The following ADGRV1 variants were observed in gnomAD, a reference collection of about 807,000 sequenced individuals.
ADGRV1 encodes the protein G-protein coupled receptor 98.
A neutral mutation model predicts 596.2 loss-of-function variants in ADGRV1; 359 were observed. That is an observed-to-expected ratio of 0.60 (90% CI 0.55 to 0.66). ADGRV1 has a LOEUF of 0.66. ADGRV1 is among the 30% of genes least tolerant of loss of function. The pLI, the probability that ADGRV1 is intolerant of heterozygous loss-of-function variation, is 0.00. For missense variants in ADGRV1, 7,274 were observed against 7,575.6 expected, an observed-to-expected ratio of 0.96 and a Z score of 1.48; for synonymous variants, 2,681 against 2,679.2, an observed-to-expected ratio of 1.00 and a Z score of -0.02.
In ADGRV1 at chr5:90,845,116, C is replaced by A. The variant is rs7734359; in HGVS notation, c.17020-3521C>A. Among the ~76,000 whole-genome samples, 992 of 152,240 alleles carry A rather than the reference C, an allele frequency of 6.5e-3. 15 individuals carry two copies. The highest frequency in any genetic ancestry group is 0.023 in the African/African-American group (957 of 41,556). ...GAGTCAGTCCAGGTGGTTGCTTTGG[C>A]ACAAGCAAGTGGGGAGTGTTGCCAG... On this transcript the variant is annotated intron_variant, in intron 78 of 89. Coordinates refer to ENST00000405460, the MANE Select transcript of ADGRV1 (RefSeq NM_032119.4).
intron 86 of ADGRV1, among the ~76,000 whole-genome samples, chr5:91,099,572 A>T (rs1225811992): frequency 6.6e-6 from 1 of 152,204 alleles, no homozygotes; most frequent in East Asian, 1.9e-4. Flanking sequence ...GAAGTTGGTT[A>T]CATGCAGGGG....
intron 50 of ADGRV1, among the ~76,000 whole-genome samples, chr5:90,735,687 T>G (rs559093208): frequency 6.6e-6 from 1 of 152,266 alleles, no homozygotes; most frequent in South Asian, 2.1e-4. Flanking sequence ...TTCTATTTCT[T>G]TCATCAGCGT....
At chr5:91,103,601 T>C (rs1582067832) in intron 87 of ADGRV1, among the ~76,000 whole-genome samples, 1 of 151,954 alleles carries the variant, frequency 6.6e-6, no homozygotes, top group Admixed American at 6.6e-5. Flanking sequence ...AGACACACAG[T>C]GTTATATGAA....
chr5:90,872,423 T>TTGTGTGTGTGTGTGTG (rs55743704), intron 83 of ADGRV1, among the ~76,000 whole-genome samples: 52 of 147,446 alleles, frequency 3.5e-4, no homozygotes, highest in Non-Finnish European at 6.4e-4. Flanking sequence ...TGGTATGAGC[T>TTGTGTGTGTGTGTGTG]TGTGTGTGTG....
chr5:90,648,817 A>G (rs1768178811), intron 17 of ADGRV1, among the ~76,000 whole-genome samples: 1 of 152,206 alleles, frequency 6.6e-6, no homozygotes, highest in African/African-American at 2.4e-5. Context: ...GAATAAACCC[A>G]CAAGGGCAAT....
chr5:90,838,469 C>T (rs921239315), intron 77 of ADGRV1, among the ~76,000 whole-genome samples: 4 of 152,116 alleles, frequency 2.6e-5, no homozygotes, highest in Non-Finnish European at 4.4e-5. Flanking sequence ...ATCATCTGTA[C>T]ACTGAGGACT....
intron 45 of ADGRV1, among the ~76,000 whole-genome samples, chr5:90,724,471 C>T (rs1751501023): frequency 6.6e-6 from 1 of 152,154 alleles, no homozygotes; most frequent in Non-Finnish European, 1.5e-5. Context: ...TCAAGTGATC[C>T]ACCTACCTCG....
intron 11 of ADGRV1, among the ~76,000 whole-genome samples, chr5:90,638,712 A>G (rs1319613784): frequency 3.9e-5 from 6 of 152,162 alleles, no homozygotes; most frequent in Non-Finnish European, 8.8e-5. Context: ...TGTGCAATTC[A>G]TATTTAGAAA....
chr5:91,153,274 T>C lies in ADGRV1; in HGVS notation c.18678T>C (p.Pro6226=). ...TCCAACAGGGCAGTCAGGCCAGCCCTGATTTAAAGCCAAGTCCACAAAATG... is the reference window on the plus strand; with the variant it reads ...TCCAACAGGGCAGTCAGGCCAGCCCCGATTTAAAGCCAAGTCCACAAAATG... The part of the protein sequence containing the change: ...ASFQQGSQAS[P]DLKPSPQNGA... Residue 6226 remains proline (P), a synonymous_variant, in exon 89 of 90, where the codon CCT becomes CCC. Coordinates refer to ENST00000405460, the MANE Select transcript of ADGRV1 (RefSeq NM_032119.4). 1 of 1,609,542 alleles carries C rather than the reference T, an allele frequency of 6.2e-7. No individual in the cohort carries two copies. The highest frequency in any genetic ancestry group is 8.5e-7 in the Non-Finnish European group (1 of 1,177,958).
chr5:90,953,275 T>A (rs1041646506), intron 83 of ADGRV1, among the ~76,000 whole-genome samples: 1 of 152,146 alleles, frequency 6.6e-6, no homozygotes. Context: ...ACCTTTGCTA[T>A]CACACAGGGA....
At chr5:90,892,955 C>T (rs941754646) in intron 83 of ADGRV1, among the ~76,000 whole-genome samples, 1 of 152,138 alleles carries the variant, frequency 6.6e-6, no homozygotes, top group African/African-American at 2.4e-5. Flanking sequence ...AGATGAGTTG[C>T]AAGCAGATTT....
chr5:90,752,443 C>T (rs1199108736), intron 53 of ADGRV1, among the ~76,000 whole-genome samples: 3 of 152,084 alleles, frequency 2.0e-5, no homozygotes, highest in African/African-American at 7.2e-5. Context: ...TGATCCTCTC[C>T]CTTCTTCCAC....
chr5:91,020,911 TAAAA>T (rs1343680327), intron 85 of ADGRV1, among the ~76,000 whole-genome samples: 1 of 152,092 alleles, frequency 6.6e-6, no homozygotes, highest in Non-Finnish European at 1.5e-5. Context: ...ACAATTCAAA[TAAAA>T]GAAGTATTTT....
At chr5:90,897,991 A>G (rs1049124178) in intron 83 of ADGRV1, among the ~76,000 whole-genome samples, 1 of 152,196 alleles carries the variant, frequency 6.6e-6, no homozygotes, top group African/African-American at 2.4e-5. Flanking sequence ...GCCTTTATCC[A>G]GTTCCCTCCA....
chr5:90,725,675 G>T lies in ADGRV1; in HGVS notation c.10161+19G>T, dbSNP rs1042217339. ...AACTCAGGTTTGATTCTTTTAAAAT[G>T]AAGTGGGTTTTTTTTTGCTTTTCTT... On this transcript the variant is annotated intron_variant, in intron 48 of 89. Coordinates refer to ENST00000405460, the MANE Select transcript of ADGRV1 (RefSeq NM_032119.4). 4 of 1,197,002 alleles carry T rather than the reference G, an allele frequency of 3.3e-6. No homozygotes were observed. The highest frequency in any genetic ancestry group is 2.6e-5 in the South Asian group (2 of 75,886). The allele number at this position is 1,197,002 out of a possible 1,614,324, so 74.1% of individuals were successfully genotyped here.
At chr5:90,836,541 A>G (rs1411470775) in intron 77 of ADGRV1, among the ~76,000 whole-genome samples, 2 of 152,186 alleles carry the variant, frequency 1.3e-5, no homozygotes, top group Non-Finnish European at 2.9e-5. Context: ...TAGGAATGGA[A>G]AAGAAATTGG....
intron 1 of ADGRV1, among the ~76,000 whole-genome samples, chr5:90,604,009 T>C (rs1761767444): frequency 6.6e-6 from 1 of 151,406 alleles, no homozygotes; most frequent in Non-Finnish European, 1.5e-5. Context: ...TCTTTGACCC[T>C]AGTCTGAGGA....
chr5:90,866,527 C>A (rs1001509997), intron 83 of ADGRV1, among the ~76,000 whole-genome samples: 4 of 152,016 alleles, frequency 2.6e-5, no homozygotes, highest in African/African-American at 9.7e-5. Context: ...CTCTCTTTAG[C>A]CATGATGGCG....
intron 1 of ADGRV1, among the ~76,000 whole-genome samples, chr5:90,575,308 C>T (rs1237149959): frequency 6.6e-6 from 1 of 151,952 alleles, no homozygotes; most frequent in Non-Finnish European, 1.5e-5. Flanking sequence ...GGCTGGAGTG[C>T]AGTGGCATGA....
Sources: allele counts gnomAD v4.1 joint callset (sites outside exome capture counted in the v4.1 genomes callset), GRCh38; gene constraint gnomAD v4.1.1; transcripts MANE v1.5; gene names NCBI Gene and HGNC (gene_info 2026-07-23, HGNC 2026-07-21).